Variants in HTR4 observed in about 807,000 individuals in gnomAD.
HTR4 encodes 5-hydroxytryptamine (serotonin) receptor 4, G protein-coupled.
In HTR4, 16 loss-of-function variants were observed where a neutral mutation model predicts 36.8. The ratio of observed to expected loss-of-function variants is 0.43; its 90% confidence interval spans 0.29 to 0.66. The LOEUF (loss-of-function observed/expected upper bound fraction) is 0.66, where lower values mean the gene tolerates loss of function less well. Among genes scored for constraint, HTR4 ranks in the 30% least tolerant of loss-of-function variants. The pLI is 0.13. For synonymous variants in HTR4, 189 were observed against 185.1 expected (o/e 1.02, Z -0.17); for missense variants, 438 against 490.9 (o/e 0.89, Z 1.02).
At chr5:148,490,764 T>C (rs1344427385) in intron 6 of HTR4, 2 of 1,183,706 alleles carry the variant, frequency 1.7e-6, no homozygotes, top group South Asian at 2.6e-5. Flanking sequence ...AAATACATGT[T>C]CTTATAACCT....
rs535191153 is a variant in HTR4, at chr5:148,638,624, C to T, written c.-47-1563G>A. 3.5e-4 allele frequency among the ~76,000 whole-genome samples: 53 copies of T among 152,002 alleles called. 2 individuals are homozygous for T. The South Asian group carries it at 6.0e-3, about 17-fold the overall frequency. ...AAACTAAACTCTTCCTTTCTCATCT[C>T]CGACACAAAAACCTGCTCTTCCCCA... On this transcript the variant is annotated intron_variant, in intron 1 of 6. Transcript: ENST00000377888.
chr5:148,543,540 A>G (rs1483956866), intron 4 of HTR4, among the ~76,000 whole-genome samples: 1 of 152,212 alleles, frequency 6.6e-6, no homozygotes. Flanking sequence ...AACTCAAAAT[A>G]TATTCAAATA....
At chr5:148,632,273 A>G (rs955001559) in intron 2 of HTR4, among the ~76,000 whole-genome samples, 6 of 152,194 alleles carry the variant, frequency 3.9e-5, no homozygotes, top group Non-Finnish European at 7.4e-5. Context: ...TTTGTCTCTC[A>G]GTTTCCTAGA....
At chr5:148,577,605 G>A (rs906528011) in intron 2 of HTR4, among the ~76,000 whole-genome samples, 2 of 151,970 alleles carry the variant, frequency 1.3e-5, no homozygotes, top group African/African-American at 2.4e-5. Context: ...AAGAAAATGT[G>A]GTACATATAC....
intron 5 of HTR4, among the ~76,000 whole-genome samples, chr5:148,466,649 C>G (rs1295856208): frequency 6.6e-6 from 1 of 152,216 alleles, no homozygotes; most frequent in African/African-American, 2.4e-5. Flanking sequence ...GTTTCCACAT[C>G]TACACATAGA....
At chr5:148,480,172 T>C (rs1027515288), downstream of HTR4, among the ~76,000 whole-genome samples, 2 of 152,218 alleles carry the variant, frequency 1.3e-5, no homozygotes, top group African/African-American at 4.8e-5. Flanking sequence ...TCTTATTCCA[T>C]GTTACTTTGA....
intron 6 of HTR4, chr5:148,490,529 G>A (rs1317096471): frequency 2.3e-5 from 25 of 1,099,658 alleles, no homozygotes; most frequent in East Asian, 8.0e-5. Context: ...ACTGTGGGAC[G>A]ATGCTTATGA....
intron 2 of HTR4, among the ~76,000 whole-genome samples, chr5:148,602,612 T>A (rs1762039263): frequency 6.6e-6 from 1 of 151,856 alleles, no homozygotes; most frequent in East Asian, 1.9e-4. Flanking sequence ...AGCAAATTAA[T>A]CCCAAAAAAT....
chr5:148,510,337 C>CAAGAGGAACTGAAGGCTCCAGGACAG (rs1757439916), intron 5 of HTR4, among the ~76,000 whole-genome samples: 1 of 152,140 alleles, frequency 6.6e-6, no homozygotes, highest in South Asian at 2.1e-4. Flanking sequence ...CTTATCTGTA[C>CAAGAGGAACTGAAGGCTCCAGGACAG]AAGAGGAACT....
At chr5:148,465,734 C>A (rs1481842875) in intron 5 of HTR4, 5 of 1,354,164 alleles carry the variant, frequency 3.7e-6, no homozygotes, top group African/African-American at 2.9e-5. Flanking sequence ...AACAATTGTG[C>A]ACCCTTAACT....
intron 4 of HTR4, among the ~76,000 whole-genome samples, chr5:148,527,884 C>G (rs556129599): frequency 7.4e-4 from 112 of 152,264 alleles, no homozygotes; most frequent in African/African-American, 2.6e-3. Flanking sequence ...AAAGTGCTGT[C>G]ATTACAAACA....
At chr5:148,582,494 T>C (rs187833492) in intron 2 of HTR4, among the ~76,000 whole-genome samples, 3 of 152,152 alleles carry the variant, frequency 2.0e-5, no homozygotes, top group South Asian at 4.2e-4. Flanking sequence ...CCAGTGTCTA[T>C]TGCCATCTTC....
At chr5:148,488,374 C>T (rs773904794) in intron 6 of HTR4, among the ~76,000 whole-genome samples, 21 of 152,248 alleles carry the variant, frequency 1.4e-4, no homozygotes, top group East Asian at 7.7e-4. Context: ...ACAGTGCAGG[C>T]GTCAGGCTCA....
At position 148,559,292 on chromosome 5, in the gene HTR4, G is replaced by A. The variant is rs116558799; in HGVS notation, c.27-9030C>T. Among the ~76,000 whole-genome samples, 263 of 152,184 alleles carry A rather than the reference G, an allele frequency of 1.7e-3. 2 individuals carry two copies. Among genetic ancestry groups the A allele is most frequent in the African/African-American group, 5.8e-3 (239 of 41,516 alleles). ...AATTCTTAAGTCAAACCATCATGTC[G>A]GGGACCATCTGTAATTGTATGTGTG... On this transcript the variant is annotated intron_variant, in intron 2 of 6. Coordinates refer to ENST00000377888, the MANE Select transcript of HTR4 (RefSeq NM_000870.7).
At chr5:148,530,333 A>T (rs2113810903) in intron 4 of HTR4, among the ~76,000 whole-genome samples, 2 of 152,222 alleles carry the variant, frequency 1.3e-5, no homozygotes, top group South Asian at 4.2e-4. Context: ...TGGTTTTGTG[A>T]GCCAGACCCA....
chr5:148,451,385 A>T, intron 5 of HTR4: 1 of 1,552,202 alleles, frequency 6.4e-7, no homozygotes, highest in Non-Finnish European at 8.7e-7. Flanking sequence ...TTCTGAGGGT[A>T]TGGTGAAGTG....
At position 148,644,303 on chromosome 5, in the gene HTR4, T is replaced by C. The variant is rs916505307; in HGVS notation, c.-47-7242A>G. On this transcript the variant is annotated intron_variant, in intron 1 of 6. Coordinates refer to ENST00000377888, the MANE Select transcript of HTR4 (RefSeq NM_000870.7). ...TGTGCTCCCTTTTCATTTTCTGTTT[T>C]AGTTATTGTTGTTTATGTTGACTAA... Among the ~76,000 whole-genome samples the C allele has an allele frequency of 1.8e-4, 28 of 152,126 alleles. 1 individual carries two copies. Among genetic ancestry groups the C allele is most frequent in the South Asian group, 4.1e-4 (2 of 4,824 alleles).
At chr5:148,504,237 G>A (rs113620918) in intron 6 of HTR4, among the ~76,000 whole-genome samples, 2 of 151,936 alleles carry the variant, frequency 1.3e-5, no homozygotes, top group African/African-American at 4.8e-5. Flanking sequence ...TGTCCACATA[G>A]TTGGAAGTAA....
chr5:148,508,709 CT>C (rs1382666809), intron 6 of HTR4, among the ~76,000 whole-genome samples: 1 of 152,034 alleles, frequency 6.6e-6, no homozygotes, highest in African/African-American at 2.4e-5. Flanking sequence ...CATGGTATTA[CT>C]GTTGTATATT....
Sources: gnomAD v4.1 joint callset for allele counts (sites outside exome capture counted in the v4.1 genomes callset) on GRCh38, gnomAD v4.1.1 for gene constraint, MANE v1.5 for transcripts, NCBI Gene and HGNC (gene_info 2026-07-23, HGNC 2026-07-21) for gene names.